MRPL43: variants seen among roughly 807,000 people sequenced by gnomAD.
MRPL43 encodes large ribosomal subunit protein mL43.
In MRPL43, 9 loss-of-function variants were observed where a neutral mutation model predicts 12.7. The ratio of observed to expected loss-of-function variants is 0.71; its 90% confidence interval spans 0.43 to 1.24. MRPL43 has a LOEUF of 1.24. Ranked by LOEUF, MRPL43 falls within the 50% of genes most tolerant of loss-of-function variation. MRPL43 has a pLI of 0.00. For missense variants in MRPL43, 211 were observed against 229.2 expected (o/e 0.92, Z 0.51); for synonymous variants, 116 against 96.4 (o/e 1.20, Z -1.19).
chr10:100,979,789 G>GT, downstream of MRPL43: 1 of 1,597,064 alleles, frequency 6.3e-7, no homozygotes, highest in Non-Finnish European at 8.5e-7. Context: ...CTGAGCACGA[G>GT]TTGGGGGGCA....
downstream of MRPL43, chr10:100,983,527 G>A: frequency 6.2e-7 from 1 of 1,614,150 alleles, no homozygotes; most frequent in Non-Finnish European, 8.5e-7. Flanking sequence ...GAGGAAAATG[G>A]CCTCCGCACC....
chr10:100,984,463 T>TGC (rs374469923), downstream of MRPL43: 112 of 1,522,384 alleles, frequency 7.4e-5, no homozygotes, highest in African/African-American at 1.5e-3. Flanking sequence ...TCCATTCATC[T>TGC]GCCCAAACCC....
chr10:100,985,011 C>A, downstream of MRPL43: 1 of 1,192,018 alleles, frequency 8.4e-7, no homozygotes, highest in Non-Finnish European at 1.1e-6. Flanking sequence ...CTGTCTTGGA[C>A]CTGTCTGTTG....
rs1045936083 is a variant in MRPL43 at position 100,986,965 on chromosome 10, A to G, written c.249T>C (p.Ala83=). The G allele has an allele frequency of 9.3e-6, 15 of 1,606,386 alleles. No individual in the cohort carries two copies. The highest frequency in any genetic ancestry group is 1.7e-5 in the Admixed American group (1 of 59,990). Residue 83 remains alanine (A), a synonymous_variant, in exon 3 of 3, where the codon GCT becomes GCC. Transcript: ENST00000318364. ...PRVVAEYLNG[A]VREESIHCKS... ...TGCAGTGGATGCTCTCCTCGCGCAC[A>G]GCCCCGTTAACTGGCAGAAGAGGGG...
At chr10:100,983,904 G>GC, downstream of MRPL43, 5 of 297,244 alleles carry the variant, frequency 1.7e-5, no homozygotes, top group Admixed American at 5.4e-5. Context: ...GGGAGCCCCA[G>GC]CCCCACCACC....
chr10:100,980,789 C>T (rs532331884), downstream of MRPL43: 67 of 1,555,202 alleles, frequency 4.3e-5, 2 homozygotes, highest in South Asian at 3.0e-4. Context: ...TGAGTGGGGA[C>T]GCTGCCGACC....
downstream of MRPL43, chr10:100,980,169 C>G (rs773129383): frequency 1.2e-6 from 2 of 1,614,250 alleles, no homozygotes; most frequent in Admixed American, 3.3e-5. Context: ...CATCCCAAGA[C>G]TTGCCATCCC....
At chr10:100,978,636 C>T, downstream of MRPL43, 1 of 1,613,314 alleles carries the variant, frequency 6.2e-7, no homozygotes, top group Non-Finnish European at 8.5e-7. Context: ...TGCATTGGCT[C>T]AATGGTTAGG....
downstream of MRPL43, chr10:100,979,445 C>T (rs1850950925): frequency 2.7e-6 from 4 of 1,489,934 alleles, no homozygotes; most frequent in South Asian, 1.3e-5. Flanking sequence ...TGCAGTGGCG[C>T]GATCTCGGCT....
rs1174198751 is a variant in MRPL43, at chr10:100,986,979, G to A, written c.239-4C>T. 27 of 1,605,810 alleles carry A rather than the reference G, an allele frequency of 1.7e-5. No homozygotes were observed. Among genetic ancestry groups the A allele is most frequent in the Non-Finnish European group, 2.2e-5 (26 of 1,179,856 alleles). ...TCCTCGCGCACAGCCCCGTTAACTG[G>A]CAGAAGAGGGGTGAGAGTGGGTGGA... On this transcript the variant is annotated splice_region_variant and splice_polypyrimidine_tract_variant and intron_variant, in intron 2 of 2. Coordinates refer to ENST00000318364, the MANE Select transcript of MRPL43 (RefSeq NM_032112.3).
downstream of MRPL43, chr10:100,984,956 CAT>C (rs201653131): frequency 0.021 from 29,873 of 1,413,780 alleles, 362 homozygotes; most frequent in Non-Finnish European, 0.025. Flanking sequence ...CTGTATCACA[CAT>C]GTGCTTACAT....
downstream of MRPL43, among the ~76,000 whole-genome samples, chr10:100,982,320 T>C (rs763563034): frequency 1.2e-4 from 19 of 152,210 alleles, no homozygotes; most frequent in Non-Finnish European, 2.6e-4. Context: ...CGAAAAGCAA[T>C]AGGAAACCTC....
At chr10:100,985,091 G>T, downstream of MRPL43, 1 of 575,930 alleles carries the variant, frequency 1.7e-6, no homozygotes, top group South Asian at 3.1e-5. Context: ...CCCTTGCCTA[G>T]GATGGATGAC....
At chr10:100,984,894 G>A (rs1166136937), downstream of MRPL43, 1 of 1,464,720 alleles carries the variant, frequency 6.8e-7, no homozygotes, top group Admixed American at 2.3e-5. Context: ...AAGAGTATGA[G>A]AGACAGAGCT....
Position 100,986,941 on chromosome 10 carries a change from G to A in MRPL43, c.273C>T (p.Cys91=), listed in dbSNP as rs749674211. The A allele has an allele frequency of 2.5e-6, 4 of 1,608,458 alleles. No homozygotes were observed. In the East Asian group the frequency reaches 6.7e-5, roughly 27 times the overall value. Residue 91 remains cysteine (C), a synonymous_variant, in exon 3 of 3, where the codon TGC becomes TGT. Transcript: ENST00000318364. ...GCGTCGAGATCTCCTCGACCGACTTGCAGTGGATGCTCTCCTCGCGCACAG... is the reference window on the plus strand; with the variant it reads ...GCGTCGAGATCTCCTCGACCGACTTACAGTGGATGCTCTCCTCGCGCACAG... ...NGAVREESIH[C]KSVEEISTLV...
downstream of MRPL43, chr10:100,981,502 A>G: frequency 6.2e-7 from 1 of 1,614,186 alleles, no homozygotes; most frequent in South Asian, 1.1e-5. Flanking sequence ...CAGGACGGTA[A>G]TGGGTATTTC....
At chr10:100,981,377 A>G, downstream of MRPL43, 1 of 1,610,270 alleles carries the variant, frequency 6.2e-7, no homozygotes, top group Admixed American at 1.7e-5. Flanking sequence ...GGCACAGAGT[A>G]AGTGCTCAAC....
downstream of MRPL43, chr10:100,984,108 C>G (rs754349112): frequency 6.2e-7 from 1 of 1,612,120 alleles, no homozygotes; most frequent in South Asian, 1.1e-5. Context: ...GCTCGTGGAG[C>G]AGCTAGATGA....
At chr10:100,983,675 C>G, downstream of MRPL43, 1 of 1,613,396 alleles carries the variant, frequency 6.2e-7, no homozygotes, top group Non-Finnish European at 8.5e-7. Flanking sequence ...TTGGTGGCCT[C>G]TGCCTCATCC....
Sources: allele counts gnomAD v4.1 joint callset (sites outside exome capture counted in the v4.1 genomes callset), GRCh38; gene constraint gnomAD v4.1.1; transcripts MANE v1.5; gene names NCBI Gene and HGNC (gene_info 2026-07-23, HGNC 2026-07-21).